The following CLEC9A variants were observed in gnomAD, a reference collection of about 807,000 sequenced individuals.
CLEC9A encodes C-type lectin domain family 9 member A.
In CLEC9A, 24 loss-of-function variants were observed where a neutral mutation model predicts 30.0. The ratio of observed to expected loss-of-function variants is 0.80; its 90% CI spans 0.58 to 1.13. The LOEUF is 1.13. Ranked by LOEUF, CLEC9A falls within the 50% of genes most tolerant of loss-of-function variation. The pLI, the probability that CLEC9A is intolerant of heterozygous loss-of-function variation, is 0.00. For missense variants in CLEC9A, 251 were observed against 280.9 expected (o/e 0.89, Z 0.76); for synonymous variants, 111 against 96.8 (o/e 1.15, Z -0.86).
At chr12:10,040,376 T>C (rs2137298623) in intron 1 of CLEC9A, among the ~76,000 whole-genome samples, 1 of 152,316 alleles carries the variant, frequency 6.6e-6, no homozygotes, top group Admixed American at 6.5e-5. Context: ...TTTTTAAATT[T>C]GTTCTTTATA....
At chr12:10,043,306 T>C in intron 2 of CLEC9A, 1 of 222,420 alleles carries the variant, frequency 4.5e-6, no homozygotes, top group South Asian at 5.1e-5. Flanking sequence ...ATGGCTCAGT[T>C]CTCTAAAAAA....
rs201198937 is a variant in CLEC9A at position 10,061,737 on chromosome 12, C to CT, written c.319+470dup. ...TTCTTTTACGATGCAGGACCTAGCT[C>CT]TTTTTTAAAATTCTATGAAGTTACT... is the stretch of plus-strand genomic sequence containing the variant. On this transcript the variant is annotated intron_variant, in intron 6 of 8. Coordinates refer to ENST00000355819, the MANE Select transcript of CLEC9A (RefSeq NM_207345.4). Among the ~76,000 whole-genome samples, 1,380 of 152,204 alleles carry CT rather than the reference C, an allele frequency of 9.1e-3. 23 individuals carry two copies. Among genetic ancestry groups the CT allele is most frequent in the African/African-American group, 0.03 (1,265 of 41,516 alleles).
At chr12:10,056,128 A>C (rs190407920) in intron 5 of CLEC9A, among the ~76,000 whole-genome samples, 1 of 150,152 alleles carries the variant, frequency 6.7e-6, no homozygotes, top group African/African-American at 2.4e-5. Context: ...TTTGCTGTTC[A>C]GTGTATACCT....
chr12:10,052,655 T>C lies in CLEC9A; in HGVS notation c.-33T>C, dbSNP rs868259841. ...AGGAGTTACTTGTTCCAGCCTCCTG[T>C]GTGGACTGCTTTCCTATCAAAGCAC... On this transcript the variant is annotated 5_prime_UTR_variant, in exon 4 of 9. Transcript: ENST00000355819. 1.9e-6 allele frequency: 3 copies of C among 1,611,526 alleles called. No homozygotes were observed. Among genetic ancestry groups the C allele is most frequent in the Middle Eastern group, 1.7e-4 (1 of 6,042 alleles).
intron 1 of CLEC9A, among the ~76,000 whole-genome samples, chr12:10,034,340 C>A (rs1293741210): frequency 6.6e-6 from 1 of 152,202 alleles, no homozygotes. Flanking sequence ...TGGGACATTG[C>A]CCAAGCACTG....
At chr12:10,059,194 G>A (rs1865972969) in intron 5 of CLEC9A, among the ~76,000 whole-genome samples, 1 of 152,064 alleles carries the variant, frequency 6.6e-6, no homozygotes. Flanking sequence ...ATTAAAGCTA[G>A]GTGTATTAGT....
chr12:10,051,066 G>A (rs191950708), intron 2 of CLEC9A, among the ~76,000 whole-genome samples: 6 of 152,082 alleles, frequency 3.9e-5, no homozygotes, highest in Non-Finnish European at 7.4e-5. Flanking sequence ...TTAGCCGGGC[G>A]TGGTGGCGGG....
At position 10,052,783 on chromosome 12, in the gene CLEC9A, C is replaced by G. The variant is rs368023385; in HGVS notation, c.91+5C>G. ...TGTCTTCCAACAAATGTTCAGGTAA[C>G]CAGTTCTAACTATTTTGTGTGAGAC... On this transcript the variant is annotated splice_donor_5th_base_variant and intron_variant, in intron 4 of 8. Coordinates refer to ENST00000355819, the MANE Select transcript of CLEC9A (RefSeq NM_207345.4). The G allele has an allele frequency of 2.0e-5, 32 of 1,613,262 alleles. No homozygotes were observed. The highest frequency in any genetic ancestry group is 2.6e-5 in the Non-Finnish European group (31 of 1,179,656).
intron 2 of CLEC9A, among the ~76,000 whole-genome samples, chr12:10,048,239 C>CAA (rs34010283): frequency 0.011 from 1,419 of 130,716 alleles, 8 homozygotes; most frequent in African/African-American, 0.017. Context: ...GACTCCGTCT[C>CAA]AAAAAAAAAA....
rs115447523 is a variant in CLEC9A at position 10,044,472 on chromosome 12, G to T, written c.-163+2852G>T. Among the ~76,000 whole-genome samples the T allele has an allele frequency of 6.3e-3, 956 of 152,212 alleles. 16 individuals are homozygous for T. The highest frequency in any genetic ancestry group is 0.022 in the African/African-American group (917 of 41,534). ...TACTTGCTGCCTCATTCACAATATTGCAGACAAATTAGTGGGGTTTTTTTT... is the reference window on the plus strand; with the variant it reads ...TACTTGCTGCCTCATTCACAATATTTCAGACAAATTAGTGGGGTTTTTTTT... On this transcript the variant is annotated intron_variant, in intron 2 of 8. Coordinates refer to ENST00000355819, the MANE Select transcript of CLEC9A (RefSeq NM_207345.4).
intron 4 of CLEC9A, 110 bp from the exon 5 acceptor site, chr12:10,054,161 T>C (rs1040131356): frequency 1.2e-6 from 1 of 865,426 alleles, no homozygotes; most frequent in Non-Finnish European, 1.9e-6. Flanking sequence ...CAACTCTCAG[T>C]AGAAATGCCA....
chr12:10,049,326 A>G (rs1411581581), intron 2 of CLEC9A, among the ~76,000 whole-genome samples: 1 of 152,172 alleles, frequency 6.6e-6, no homozygotes. Flanking sequence ...ATAATTGACT[A>G]TTGGCTTTAA....
In CLEC9A at chr12:10,061,148, C is replaced by A. The variant is rs746971143; in HGVS notation, c.194C>A (p.Ala65Glu). 1.9e-6 allele frequency: 3 copies of A among 1,610,146 alleles called. No individual in the cohort carries two copies. The highest frequency in any genetic ancestry group is 3.4e-5 in the Admixed American group (2 of 59,084). The change falls in exon 6 of 9, where the codon GCG becomes GAG. Residue 65 changes from alanine to glutamate, a missense_variant. Transcript: ENST00000355819. ...GVKLLQVSTI[A>E]MQQQEKLIQQ... ...GAAGTGTTGCAGGTGTCCACCATTG[C>A]GATGCAGCAGCAAGAAAAACTCATC...
At chr12:10,037,353 T>C (rs1241008354) in intron 1 of CLEC9A, among the ~76,000 whole-genome samples, 1 of 152,232 alleles carries the variant, frequency 6.6e-6, no homozygotes, top group Non-Finnish European at 1.5e-5. Context: ...ATTTTACAAA[T>C]TCTTATTTTA....
At chr12:10,057,941 T>C (rs144124463) in intron 5 of CLEC9A, among the ~76,000 whole-genome samples, 19 of 152,268 alleles carry the variant, frequency 1.2e-4, no homozygotes, top group African/African-American at 4.6e-4. Flanking sequence ...CAATTAGGTA[T>C]AATGTATGAT....
chr12:10,043,360 AC>A (rs1368829358), intron 2 of CLEC9A: 1 of 188,258 alleles, frequency 5.3e-6, no homozygotes, highest in Non-Finnish European at 1.1e-5. Flanking sequence ...AATACTAGAA[AC>A]TTATTCTTGA....
At chr12:10,052,866 C>G in intron 4 of CLEC9A, 88 bp downstream of exon 4, 1 of 1,416,158 alleles carries the variant, frequency 7.1e-7, no homozygotes, top group Non-Finnish European at 9.5e-7. Context: ...GATGTTTATT[C>G]TAATCCGAGA....
At chr12:10,044,416 C>T (rs1865827208) in intron 2 of CLEC9A, among the ~76,000 whole-genome samples, 1 of 152,226 alleles carries the variant, frequency 6.6e-6, no homozygotes, top group Admixed American at 6.5e-5. Context: ...ACAGCTACAA[C>T]TCTTCACAGA....
chr12:10,050,408 C>T (rs991872439), intron 2 of CLEC9A, among the ~76,000 whole-genome samples: 6 of 152,066 alleles, frequency 3.9e-5, no homozygotes, highest in Non-Finnish European at 8.8e-5. Context: ...ATCTGCAAAG[C>T]GCAATAATGC....
Sources: allele counts gnomAD v4.1 joint callset (sites outside exome capture counted in the v4.1 genomes callset), GRCh38; gene constraint gnomAD v4.1.1; transcripts MANE v1.5; gene names NCBI Gene and HGNC (gene_info 2026-07-23, HGNC 2026-07-21).